SUGCT: variants seen among roughly 807,000 people sequenced by gnomAD.
SUGCT encodes the protein succinyl-CoA:glutarate-CoA transferase.
Under a neutral mutation model 55.0 loss-of-function variants are expected in SUGCT, and 41 were observed. The observed-to-expected ratio is 0.74, with a 90% CI of 0.58 to 0.97. The LOEUF (loss-of-function observed/expected upper bound fraction) is 0.97, where lower values mean the gene tolerates loss of function less well. Among genes scored for constraint, SUGCT ranks in the 50% least tolerant of loss-of-function variants. The pLI, the probability that SUGCT is intolerant of heterozygous loss-of-function variation, is 0.00. For synonymous variants in SUGCT, 187 were observed against 200.4 expected, an observed-to-expected ratio of 0.93 and a Z score of 0.56; for missense variants, 568 against 547.8, an observed-to-expected ratio of 1.04 and a Z score of -0.37.
intron 6 of SUGCT, among the ~76,000 whole-genome samples, chr7:40,221,337 C>T (rs1788009538): frequency 6.7e-6 from 1 of 150,298 alleles, no homozygotes; most frequent in African/African-American, 2.5e-5. Flanking sequence ...TCGCTTGAAC[C>T]TGGGAGGAGG....
At chr7:40,712,511 C>T (rs764825764) in intron 12 of SUGCT, among the ~76,000 whole-genome samples, 7 of 152,216 alleles carry the variant, frequency 4.6e-5, no homozygotes, top group Non-Finnish European at 1.0e-4. Context: ...AGGAAAACTA[C>T]TGATTGCCTC....
chr7:40,951,962 T>G, the SUGCT span, among the ~76,000 whole-genome samples: 2 of 152,138 alleles, frequency 1.3e-5, no homozygotes, highest in Non-Finnish European at 2.9e-5. Flanking sequence ...GTAGATTTCT[T>G]TTAGGTCCGC....
At chr7:40,353,280 T>G (rs1434838545) in intron 9 of SUGCT, among the ~76,000 whole-genome samples, 1 of 152,110 alleles carries the variant, frequency 6.6e-6, no homozygotes, top group African/African-American at 2.4e-5. Flanking sequence ...AGGATTAGTC[T>G]AAATACGCAA....
intron 13 of SUGCT, among the ~76,000 whole-genome samples, chr7:40,792,084 A>C (rs1444578681): frequency 1.3e-5 from 2 of 152,194 alleles, no homozygotes; most frequent in Non-Finnish European, 2.9e-5. Context: ...GAAAATTTGC[A>C]GTTATAATGG....
At chr7:40,240,128 A>G (rs1343044958) in intron 7 of SUGCT, among the ~76,000 whole-genome samples, 1 of 152,120 alleles carries the variant, frequency 6.6e-6, no homozygotes, top group African/African-American at 2.4e-5. Flanking sequence ...TCAGGCCATT[A>G]TTATGCTTCT....
At chr7:40,818,088 C>T in intron 13 of SUGCT, among the ~76,000 whole-genome samples, 1 of 152,182 alleles carries the variant, frequency 6.6e-6, no homozygotes, top group Admixed American at 6.5e-5. Context: ...CCAAGGAATG[C>T]CAGGCCTCAT....
intron 1 of SUGCT, among the ~76,000 whole-genome samples, chr7:40,165,798 A>G (rs1784396229): frequency 6.6e-6 from 1 of 152,180 alleles, no homozygotes; most frequent in Admixed American, 6.6e-5. Context: ...ACTGTATAAT[A>G]CATATATGAT....
At chr7:40,202,247 A>G (rs1562572996) in intron 6 of SUGCT, among the ~76,000 whole-genome samples, 1 of 152,194 alleles carries the variant, frequency 6.6e-6, no homozygotes, top group Non-Finnish European at 1.5e-5. Flanking sequence ...TGTTGGGATT[A>G]TAGACGTGAG....
At chr7:41,035,495 G>A in the SUGCT span, among the ~76,000 whole-genome samples, 1 of 152,158 alleles carries the variant, frequency 6.6e-6, no homozygotes, top group Non-Finnish European at 1.5e-5. Context: ...CCTCCCAAAT[G>A]TAAGACCCAT....
rs182339301 is a variant in SUGCT at position 40,454,080 on chromosome 7, G to T, written c.888+4722G>T. On this transcript the variant is annotated intron_variant, in intron 10 of 13. Coordinates refer to ENST00000335693, the MANE Select transcript of SUGCT (RefSeq NM_001193313.2). Reference sequence around the variant, plus strand: ...GAAGATGACAAGGAACTTAAAGATAGATCAATAGAAATTATTCAATCTGAA... The same window carrying T: ...GAAGATGACAAGGAACTTAAAGATATATCAATAGAAATTATTCAATCTGAA... Among the ~76,000 whole-genome samples the T allele has an allele frequency of 3.8e-3, 571 of 152,210 alleles. 2 individuals carry two copies. The highest frequency in any genetic ancestry group is 0.01 in the Middle Eastern group (3 of 294).
chr7:40,183,949 G>A (rs1036203768), intron 3 of SUGCT, among the ~76,000 whole-genome samples: 1 of 152,090 alleles, frequency 6.6e-6, no homozygotes, highest in Admixed American at 6.6e-5. Context: ...CGAGGTGGGC[G>A]GATCGTTTGA....
At chr7:40,529,425 T>C (rs1793970969) in intron 12 of SUGCT, among the ~76,000 whole-genome samples, 1 of 152,222 alleles carries the variant, frequency 6.6e-6, no homozygotes, top group Non-Finnish European at 1.5e-5. Context: ...TAGTGGAGGA[T>C]GCAGAATGCA....
At chr7:40,765,695 A>C (rs1452816452) in intron 13 of SUGCT, among the ~76,000 whole-genome samples, 1 of 152,128 alleles carries the variant, frequency 6.6e-6, no homozygotes, top group Non-Finnish European at 1.5e-5. Context: ...TTAGGAGGTA[A>C]TAATAAAGAC....
At chr7:40,849,839 T>C (rs1443061662) in intron 13 of SUGCT, among the ~76,000 whole-genome samples, 1 of 151,960 alleles carries the variant, frequency 6.6e-6, no homozygotes, top group Non-Finnish European at 1.5e-5. Flanking sequence ...CAGGTAACTT[T>C]CGACAGAGGA....
intron 8 of SUGCT, among the ~76,000 whole-genome samples, chr7:40,289,498 C>T (rs1299178735): frequency 3.3e-5 from 5 of 151,900 alleles, no homozygotes; most frequent in East Asian, 1.9e-4. Flanking sequence ...ATTGATGGGA[C>T]GTATCTCAAA....
At chr7:40,221,908 G>A (rs1226221746) in intron 6 of SUGCT, among the ~76,000 whole-genome samples, 1 of 152,228 alleles carries the variant, frequency 6.6e-6, no homozygotes, top group African/African-American at 2.4e-5. Context: ...ACCTCTGTAA[G>A]ATTTTTGTTT....
At chr7:40,438,138 C>G (rs763180965) in intron 9 of SUGCT, among the ~76,000 whole-genome samples, 1 of 152,100 alleles carries the variant, frequency 6.6e-6, no homozygotes, top group Non-Finnish European at 1.5e-5. Flanking sequence ...GCCCAGAAAG[C>G]AAAGTCCCTG....
At chr7:40,492,392 C>T (rs1185743623) in intron 11 of SUGCT, among the ~76,000 whole-genome samples, 2 of 152,114 alleles carry the variant, frequency 1.3e-5, no homozygotes, top group Admixed American at 6.6e-5. Flanking sequence ...TGTCAAGTTT[C>T]TCATCTACGT....
At chr7:40,704,015 C>CT (rs1195700853) in intron 12 of SUGCT, among the ~76,000 whole-genome samples, 2 of 152,206 alleles carry the variant, frequency 1.3e-5, no homozygotes, top group Admixed American at 1.3e-4. Context: ...TTCTGGAACA[C>CT]TGACGAGAAT....
Sources: gnomAD v4.1 joint callset for allele counts (sites outside exome capture counted in the v4.1 genomes callset) on GRCh38, gnomAD v4.1.1 for gene constraint, MANE v1.5 for transcripts, NCBI Gene and HGNC (gene_info 2026-07-23, HGNC 2026-07-21) for gene names.